Variants in PARP8 observed in about 807,000 individuals in gnomAD.
PARP8 encodes the protein poly(ADP-ribose) polymerase family member 8.
A neutral mutation model predicts 124.1 loss-of-function variants in PARP8; 51 were observed. The ratio of observed to expected loss-of-function variants is 0.41; its 90% CI spans 0.33 to 0.52. The LOEUF (loss-of-function observed/expected upper bound fraction) is 0.52, where lower values mean the gene tolerates loss of function less well. Ranked by LOEUF, PARP8 falls within the 20% of genes least tolerant of loss-of-function variation. The pLI, the probability that PARP8 is intolerant of heterozygous loss-of-function variation, is 0.21. For synonymous variants in PARP8, 391 were observed against 361.5 expected (o/e 1.08, Z -0.93); for missense variants, 860 against 1,018.9 (o/e 0.84, Z 2.12).
rs1337481629 is a variant in PARP8 at position 50,843,427 on chromosome 5, G to GT, written c.*1362dup. On this transcript the variant is annotated 3_prime_UTR_variant, in exon 26 of 26. Transcript: ENST00000281631. Reference sequence around the variant, plus strand: ...GCAAGTATAATGTGATAACTGCTGTGTTTATTTCCTTTGTCTGGCATAAAA... The same window carrying GT: ...GCAAGTATAATGTGATAACTGCTGTGTTTTATTTCCTTTGTCTGGCATAAAA... 2.6e-5 allele frequency: 4 copies of GT among 151,834 alleles called. No individual in the cohort carries two copies. In the East Asian group the frequency reaches 7.8e-4, roughly 29 times the overall value. 9.4% of individuals were successfully genotyped at this position (151,834 alleles called of 1,614,324 possible).
chr5:50,707,341 A>G lies in PARP8; in HGVS notation c.146+39216A>G, dbSNP rs1171361777. Among the ~76,000 whole-genome samples, 7 of 152,162 alleles carry G rather than the reference A, an allele frequency of 4.6e-5. 1 individual carries two copies. In the East Asian group the frequency reaches 1.4e-3, roughly 29 times the overall value. On this transcript the variant is annotated intron_variant, in intron 2 of 25. Coordinates refer to ENST00000281631, the MANE Select transcript of PARP8 (RefSeq NM_024615.4). ...TGATACATAGAAATTAAAACATTTA[A>G]TGATTTTCCTAAAGTGCTTTTGTAT...
At chr5:50,762,584 C>T (rs996392368) in intron 6 of PARP8, among the ~76,000 whole-genome samples, 1 of 151,928 alleles carries the variant, frequency 6.6e-6, no homozygotes, top group Non-Finnish European at 1.5e-5. Flanking sequence ...TAAAGAAGGA[C>T]GTTAAAGCCA....
At chr5:50,830,774 A>G (rs544979291) in intron 22 of PARP8, among the ~76,000 whole-genome samples, 6 of 152,140 alleles carry the variant, frequency 3.9e-5, no homozygotes, top group South Asian at 2.1e-4. Flanking sequence ...GTGGTTTTAT[A>G]TACATATAAC....
At chr5:50,780,206 G>T (rs1053322543) in intron 9 of PARP8, among the ~76,000 whole-genome samples, 11 of 152,168 alleles carry the variant, frequency 7.2e-5, no homozygotes, top group Admixed American at 4.6e-4. Flanking sequence ...GGAATGATTT[G>T]TAATGTATGG....
intron 6 of PARP8, 80 bp from the exon 7 acceptor site, chr5:50,763,068 G>A (rs1429057055): frequency 1.9e-6 from 2 of 1,033,036 alleles, no homozygotes; most frequent in Middle Eastern, 4.1e-4. Flanking sequence ...AAATGCACAG[G>A]GAGACCTGTC....
At chr5:50,785,575 A>T (rs1277670728) in intron 9 of PARP8, among the ~76,000 whole-genome samples, 1 of 152,142 alleles carries the variant, frequency 6.6e-6, no homozygotes. Context: ...GGTTTTCAAG[A>T]TGTTAGAATG....
chr5:50,710,651 T>C (rs1754681771), intron 2 of PARP8, among the ~76,000 whole-genome samples: 1 of 152,132 alleles, frequency 6.6e-6, no homozygotes, highest in Non-Finnish European at 1.5e-5. Flanking sequence ...TAGAGAGAAA[T>C]AAGGATCAGC....
chr5:50,676,202 C>G (rs1018548701), intron 2 of PARP8, among the ~76,000 whole-genome samples: 1 of 152,178 alleles, frequency 6.6e-6, no homozygotes, highest in African/African-American at 2.4e-5. Flanking sequence ...CTTTGGCAAA[C>G]TCTGAGTCTT....
At position 50,666,915 on chromosome 5, in the gene PARP8, T is replaced by TCCA; in HGVS notation, c.-179_-178insACC. On this transcript the variant is annotated 5_prime_UTR_variant, in exon 1 of 26. Coordinates refer to ENST00000281631, the MANE Select transcript of PARP8 (RefSeq NM_024615.4). ...AAAGCCGACCTCCCCCTCCTCCTCC[T>TCCA]CCTCCCCCTCCTCCTCCTCCTCTTC... 2.3e-5 allele frequency: 29 copies of TCCA among 1,282,132 alleles called. No homozygotes were observed. Among genetic ancestry groups the TCCA allele is most frequent in the East Asian group, 1.5e-4 (4 of 26,442 alleles). The allele number at this position is 1,282,132 out of a possible 1,614,324, so 79.4% of individuals were successfully genotyped here.
chr5:50,837,061 AT>A (rs1747660137), intron 25 of PARP8, among the ~76,000 whole-genome samples: 1 of 152,082 alleles, frequency 6.6e-6, no homozygotes, highest in Non-Finnish European at 1.5e-5. Context: ...ATCTGTAGGG[AT>A]GTACATGTTG....
intron 2 of PARP8, among the ~76,000 whole-genome samples, chr5:50,719,814 C>T (rs974348774): frequency 2.6e-5 from 4 of 151,990 alleles, no homozygotes; most frequent in African/African-American, 9.7e-5. Context: ...ATTTTCACAG[C>T]TTCTCCAGAG....
intron 12 of PARP8, among the ~76,000 whole-genome samples, chr5:50,796,659 G>A (rs1742589793): frequency 6.6e-6 from 1 of 152,174 alleles, no homozygotes; most frequent in Non-Finnish European, 1.5e-5. Context: ...TCCTAATGAA[G>A]AGGTATGAGC....
chr5:50,802,702 T>C (rs1212555502), intron 14 of PARP8, among the ~76,000 whole-genome samples: 1 of 152,184 alleles, frequency 6.6e-6, no homozygotes, highest in Non-Finnish European at 1.5e-5. Context: ...TATATATAAA[T>C]ATGTAAGTTA....
At position 50,831,702 on chromosome 5, in the gene PARP8, T is replaced by C. The variant is rs184358810; in HGVS notation, c.2234-1079T>C. On this transcript the variant is annotated intron_variant, in intron 22 of 25. Transcript: ENST00000281631. ...TCAAGTACTGTAATTTTCTGTTTTT[T>C]ATACTGGTATATAGACTCCTTCAAT... Among the ~76,000 whole-genome samples the C allele has an allele frequency of 1.3e-4, 20 of 152,288 alleles. No individual in the cohort carries two copies. In the East Asian group the frequency reaches 3.9e-3, roughly 29 times the overall value.
intron 2 of PARP8, among the ~76,000 whole-genome samples, chr5:50,697,387 A>T (rs1420419107): frequency 6.6e-6 from 1 of 152,256 alleles, no homozygotes; most frequent in Admixed American, 6.5e-5. Flanking sequence ...CCTATCTCAT[A>T]TTTCAAATCC....
intron 14 of PARP8, among the ~76,000 whole-genome samples, chr5:50,804,340 G>T (rs1251374756): frequency 2.0e-5 from 3 of 152,086 alleles, no homozygotes; most frequent in Admixed American, 6.6e-5. Flanking sequence ...AATCAGTTCC[G>T]TTCTGCTCCC....
intron 2 of PARP8, among the ~76,000 whole-genome samples, chr5:50,683,445 C>G (rs942871681): frequency 1.3e-5 from 2 of 152,152 alleles, no homozygotes; most frequent in Non-Finnish European, 2.9e-5. Flanking sequence ...ACTATACCAG[C>G]TTCCTGAATT....
chr5:50,735,537 AT>A (rs1757384417), intron 2 of PARP8, among the ~76,000 whole-genome samples: 1 of 152,186 alleles, frequency 6.6e-6, no homozygotes, highest in African/African-American at 2.4e-5. Flanking sequence ...AATCAGGCTT[AT>A]AAACAGACTT....
upstream of PARP8, chr5:50,666,630 C>A (rs1749306704): frequency 2.0e-5 from 3 of 150,576 alleles, no homozygotes; most frequent in Middle Eastern, 3.4e-3. Context: ...CGCGAGTGTG[C>A]GCGGGTGTGG....
Sources: gnomAD v4.1 joint callset for allele counts (sites outside exome capture counted in the v4.1 genomes callset) on GRCh38, gnomAD v4.1.1 for gene constraint, MANE v1.5 for transcripts, NCBI Gene and HGNC (gene_info 2026-07-23, HGNC 2026-07-21) for gene names.